MANBA: variants seen among roughly 807,000 people sequenced by gnomAD.
MANBA encodes the protein mannosidase beta, also known as beta-mannosidase.
A neutral mutation model predicts 111.1 loss-of-function variants in MANBA; 83 were observed. That is an observed-to-expected ratio of 0.75 (90% confidence interval 0.63 to 0.90). The LOEUF (loss-of-function observed/expected upper bound fraction) is 0.90, where lower values mean the gene tolerates loss of function less well. Ranked by LOEUF, MANBA falls within the 40% of genes least tolerant of loss-of-function variation. The probability of loss-of-function intolerance (pLI) is 0.00; values close to 1 mark genes in which losing one functional copy is unlikely to be tolerated. For missense variants in MANBA, 1,036 were observed against 1,069.0 expected (o/e 0.97, Z 0.43); for synonymous variants, 370 against 378.7 (o/e 0.98, Z 0.27).
At chr4:102,637,263 T>TA (rs781772370) in intron 14 of MANBA, among the ~76,000 whole-genome samples, 1 of 152,222 alleles carries the variant, frequency 6.6e-6, no homozygotes, top group East Asian at 1.9e-4. Context: ...ACTCTTGTTA[T>TA]AATGTTGAGA....
intron 13 of MANBA, among the ~76,000 whole-genome samples, chr4:102,641,487 G>A (rs1175353700): frequency 6.6e-6 from 1 of 152,194 alleles, no homozygotes. Context: ...GTGGATTTAG[G>A]TAGACCATTT....
At position 102,726,049 on chromosome 4, in the gene MANBA, A is replaced by G. The variant is rs577340387; in HGVS notation, c.272+540T>C. ...GCACAGCAGTAACTCCATGATATTG[A>G]TAACAATATTCTGGCCTTTTCCCCC... On this transcript the variant is annotated intron_variant, in intron 2 of 16. Coordinates refer to ENST00000647097, the MANE Select transcript of MANBA (RefSeq NM_005908.4). Among the ~76,000 whole-genome samples the G allele has an allele frequency of 9.9e-5, 15 of 152,252 alleles. No homozygotes were observed. In the South Asian group the frequency reaches 3.1e-3, roughly 32 times the overall value.
chr4:102,726,269 T>C (rs1414990097), intron 2 of MANBA, among the ~76,000 whole-genome samples: 3 of 152,132 alleles, frequency 2.0e-5, no homozygotes, highest in Non-Finnish European at 1.5e-5. Flanking sequence ...CCACATAGTA[T>C]AGGTCAAGGT....
intron 12 of MANBA, among the ~76,000 whole-genome samples, chr4:102,651,399 A>G (rs1730328131): frequency 6.6e-6 from 1 of 152,116 alleles, no homozygotes; most frequent in Non-Finnish European, 1.5e-5. Flanking sequence ...GCTCAAATTA[A>G]AAAACAAAGT....
intron 1 of MANBA, chr4:102,734,521 C>T (rs1723139703): frequency 6.2e-6 from 10 of 1,608,198 alleles, no homozygotes; most frequent in Non-Finnish European, 8.5e-6. Flanking sequence ...GCTGAACCAT[C>T]TGAGCTCAGA....
intron 9 of MANBA, among the ~76,000 whole-genome samples, chr4:102,670,154 CAAAAA>C (rs70937560): frequency 9.3e-6 from 1 of 107,940 alleles, no homozygotes; most frequent in African/African-American, 4.2e-5. Flanking sequence ...GACTCCATAT[CAAAAA>C]AAAAAAAAAA....
chr4:102,679,915 CCT>C (rs1003017306), intron 7 of MANBA, among the ~76,000 whole-genome samples: 2 of 151,456 alleles, frequency 1.3e-5, no homozygotes, highest in African/African-American at 4.9e-5. Context: ...TTTACAAATG[CCT>C]CTGAGGTATA....
chr4:102,651,249 A>AT (rs540035867), intron 12 of MANBA, among the ~76,000 whole-genome samples: 120 of 152,156 alleles, frequency 7.9e-4, no homozygotes, highest in African/African-American at 2.7e-3. Flanking sequence ...CATATGTTTA[A>AT]TTTTTATATA....
In MANBA at chr4:102,636,158, C is replaced by T. The variant is rs78316355; in HGVS notation, c.2015-151G>A. 257 of 707,432 alleles carry T rather than the reference C, an allele frequency of 3.6e-4. No homozygotes were observed. The East Asian group carries it at 6.4e-3, about 18-fold the overall frequency. 43.8% of individuals were successfully genotyped at this position (707,432 alleles called of 1,614,324 possible). On this transcript the variant is annotated intron_variant, in intron 14 of 16. Transcript: ENST00000647097. Reference sequence around the variant, plus strand: ...GTGGAGGGCACCCATGTTTGTGAAGCGCTCTGAGCACTCTGGACATTATGT... The same window carrying T: ...GTGGAGGGCACCCATGTTTGTGAAGTGCTCTGAGCACTCTGGACATTATGT...
intron 1 of MANBA, among the ~76,000 whole-genome samples, chr4:102,748,603 C>T (rs1006459902): frequency 6.6e-6 from 1 of 152,138 alleles, no homozygotes; most frequent in African/African-American, 2.4e-5. Flanking sequence ...CTTTTCATAA[C>T]ATAGCCTACC....
At chr4:102,743,568 C>T (rs754513859) in intron 1 of MANBA, among the ~76,000 whole-genome samples, 1 of 152,094 alleles carries the variant, frequency 6.6e-6, no homozygotes, top group South Asian at 2.1e-4. Flanking sequence ...GGGGGAGAGA[C>T]GGCAGGGTGG....
At chr4:102,654,176 T>C (rs1465402469) in intron 12 of MANBA, among the ~76,000 whole-genome samples, 1 of 152,118 alleles carries the variant, frequency 6.6e-6, no homozygotes, top group African/African-American at 2.4e-5. Context: ...TCAGTAAATA[T>C]TCTTGCTTCC....
At chr4:102,751,352 C>T (rs1723783478) in intron 1 of MANBA, 8 of 353,970 alleles carry the variant, frequency 2.3e-5, no homozygotes, top group South Asian at 1.8e-4. Flanking sequence ...GAGACAGGAG[C>T]TCCCATTCTC....
At chr4:102,676,749 T>C (rs1363749755) in intron 7 of MANBA, among the ~76,000 whole-genome samples, 1 of 152,148 alleles carries the variant, frequency 6.6e-6, no homozygotes, top group East Asian at 1.9e-4. Context: ...ATATTCAAAG[T>C]ACTAAATAAT....
chr4:102,696,225 C>T (rs920335667), intron 5 of MANBA, among the ~76,000 whole-genome samples: 1 of 151,946 alleles, frequency 6.6e-6, no homozygotes, highest in Non-Finnish European at 1.5e-5. Flanking sequence ...GACTTTGTCT[C>T]AAAGTAAAAA....
At position 102,654,129 on chromosome 4, in the gene MANBA, C is replaced by T. The variant is rs73834881; in HGVS notation, c.1705-3428G>A. On this transcript the variant is annotated intron_variant, in intron 12 of 16. Transcript: ENST00000647097. ...CAAAGTGGAGTGGGTAGATTATTGTCGAATTAAAGAATGAGTACGTGGTAC... is the reference window on the plus strand; with the variant it reads ...CAAAGTGGAGTGGGTAGATTATTGTTGAATTAAAGAATGAGTACGTGGTAC... Among the ~76,000 whole-genome samples, 796 of 152,090 alleles carry T rather than the reference C, an allele frequency of 5.2e-3. 7 individuals are homozygous for T. The highest frequency in any genetic ancestry group is 0.018 in the African/African-American group (750 of 41,526).
intron 14 of MANBA, among the ~76,000 whole-genome samples, chr4:102,639,300 T>C (rs1729763116): frequency 6.6e-6 from 1 of 152,212 alleles, no homozygotes; most frequent in Non-Finnish European, 1.5e-5. Flanking sequence ...AGGGAAACTT[T>C]AACACATAAG....
At chr4:102,697,513 C>T (rs1487350560) in intron 5 of MANBA, among the ~76,000 whole-genome samples, 3 of 120,502 alleles carry the variant, frequency 2.5e-5, no homozygotes, top group African/African-American at 6.1e-5. Flanking sequence ...CCCCCTCCCC[C>T]CACCCCACAA....
chr4:102,696,465 C>T (rs1732712920), intron 5 of MANBA, among the ~76,000 whole-genome samples: 1 of 152,086 alleles, frequency 6.6e-6, no homozygotes, highest in Non-Finnish European at 1.5e-5. Flanking sequence ...AATTATATCC[C>T]AATCCAAAAA....
Sources: allele counts gnomAD v4.1 joint callset (sites outside exome capture counted in the v4.1 genomes callset), GRCh38; gene constraint gnomAD v4.1.1; transcripts MANE v1.5; gene names NCBI Gene and HGNC (gene_info 2026-07-23, HGNC 2026-07-21).